RASEF: variants seen among roughly 807,000 people sequenced by gnomAD.
The protein encoded by RASEF is RAS and EF-hand domain containing.
In RASEF, 68 loss-of-function variants were observed where a neutral mutation model predicts 90.1. The observed-to-expected ratio is 0.75, with a 90% CI of 0.62 to 0.92. The LOEUF (loss-of-function observed/expected upper bound fraction) is 0.92. RASEF is among the 40% of genes least tolerant of loss of function. The pLI, the probability that RASEF is intolerant of heterozygous loss-of-function variation, is 0.00. For synonymous variants in RASEF, 331 were observed against 345.2 expected, an observed-to-expected ratio of 0.96 and a Z score of 0.46; for missense variants, 949 against 937.2, an observed-to-expected ratio of 1.01 and a Z score of -0.16.
intron 1 of RASEF, among the ~76,000 whole-genome samples, chr9:83,057,372 C>A (rs1830120516): frequency 6.6e-6 from 1 of 152,272 alleles, no homozygotes; most frequent in South Asian, 2.1e-4. Context: ...GTAGAAAAAT[C>A]AGTAGCATTT....
the RASEF span, among the ~76,000 whole-genome samples, chr9:83,141,369 T>C: frequency 6.6e-6 from 1 of 151,840 alleles, no homozygotes; most frequent in African/African-American, 2.4e-5. Context: ...AGCAACAGAC[T>C]ACAGAGCACA....
chr9:83,128,284 G>A, the RASEF span, among the ~76,000 whole-genome samples: 1 of 151,928 alleles, frequency 6.6e-6, no homozygotes, highest in Non-Finnish European at 1.5e-5. Flanking sequence ...GGTGAAACCC[G>A]ATCTTCAAGC....
chr9:83,023,005 C>A (rs1434003043), intron 2 of RASEF, among the ~76,000 whole-genome samples: 1 of 152,072 alleles, frequency 6.6e-6, no homozygotes, highest in Non-Finnish European at 1.5e-5. Flanking sequence ...TGATATTAAA[C>A]TAGATTGTGG....
the RASEF span, among the ~76,000 whole-genome samples, chr9:83,209,692 T>C: frequency 6.6e-6 from 1 of 152,378 alleles, no homozygotes; most frequent in South Asian, 2.1e-4. Context: ...CTTTTGACAT[T>C]GTGTATTTTC....
chr9:83,207,870 T>C, the RASEF span, among the ~76,000 whole-genome samples: 1 of 152,038 alleles, frequency 6.6e-6, no homozygotes, highest in Non-Finnish European at 1.5e-5. Flanking sequence ...CCTCCCAAAG[T>C]GTTGGGATTA....
the RASEF span, among the ~76,000 whole-genome samples, chr9:83,119,083 C>A: frequency 6.7e-6 from 1 of 148,988 alleles, no homozygotes; most frequent in Non-Finnish European, 1.5e-5. Flanking sequence ...TCTCGGCCCA[C>A]TGCAATCTCC....
the RASEF span, among the ~76,000 whole-genome samples, chr9:83,159,236 C>T: frequency 6.6e-6 from 1 of 151,566 alleles, no homozygotes; most frequent in Admixed American, 6.6e-5. Flanking sequence ...TATACTTGCT[C>T]TATTTGATAC....
At chr9:83,192,581 G>C in the RASEF span, among the ~76,000 whole-genome samples, 1 of 152,048 alleles carries the variant, frequency 6.6e-6, no homozygotes, top group African/African-American at 2.4e-5. Context: ...AGGAGAGAGG[G>C]GAGCAGAAAA....
intron 1 of RASEF, among the ~76,000 whole-genome samples, chr9:83,052,033 TG>T: frequency 9.2e-6 from 1 of 109,242 alleles, no homozygotes; most frequent in Non-Finnish European, 1.7e-5. Flanking sequence ...TGCCCGGCTT[TG>T]GTATCAGAAT....
the RASEF span, among the ~76,000 whole-genome samples, chr9:83,155,739 G>A: frequency 6.6e-6 from 1 of 152,150 alleles, no homozygotes; most frequent in Non-Finnish European, 1.5e-5. Context: ...GGTTGAGGTG[G>A]AACTATAAAA....
intron 1 of RASEF, among the ~76,000 whole-genome samples, chr9:83,031,933 G>A (rs1198876090): frequency 3.9e-5 from 6 of 152,110 alleles, no homozygotes; most frequent in Non-Finnish European, 7.3e-5. Context: ...TCTGGGGTAT[G>A]CCAAGAGACT....
At chr9:83,128,739 A>G in the RASEF span, among the ~76,000 whole-genome samples, 5 of 152,080 alleles carry the variant, frequency 3.3e-5, no homozygotes, top group African/African-American at 4.8e-5. Context: ...GCTATAACAC[A>G]AGTGGGCTGG....
At chr9:82,994,932 T>C (rs1400746631) in intron 14 of RASEF, among the ~76,000 whole-genome samples, 1 of 152,202 alleles carries the variant, frequency 6.6e-6, no homozygotes, top group Non-Finnish European at 1.5e-5. Context: ...TTTCCGCCCA[T>C]ATTTACAGTG....
chr9:83,064,864 C>T (rs1049102133), upstream of RASEF, among the ~76,000 whole-genome samples: 3 of 152,050 alleles, frequency 2.0e-5, no homozygotes, highest in African/African-American at 4.8e-5. Flanking sequence ...GTCAGGAGTT[C>T]GAGACCAGCC....
At chr9:83,053,473 A>G (rs1360279672) in intron 1 of RASEF, among the ~76,000 whole-genome samples, 1 of 133,180 alleles carries the variant, frequency 7.5e-6, no homozygotes, top group African/African-American at 3.4e-5. Flanking sequence ...AATACAGCAC[A>G]CTGATGGGTC....
At chr9:83,075,358 T>C in the RASEF span, among the ~76,000 whole-genome samples, 3 of 152,096 alleles carry the variant, frequency 2.0e-5, no homozygotes, top group Non-Finnish European at 4.4e-5. Flanking sequence ...TGTGCGTGTA[T>C]ATGTTTTTAC....
chr9:83,080,991 T>C, the RASEF span, among the ~76,000 whole-genome samples: 1 of 152,138 alleles, frequency 6.6e-6, no homozygotes, highest in African/African-American at 2.4e-5. Context: ...GAAAACTCAA[T>C]AGCATTAGGA....
chr9:83,087,341 A>G, the RASEF span, among the ~76,000 whole-genome samples: 1 of 151,026 alleles, frequency 6.6e-6, no homozygotes, highest in African/African-American at 2.4e-5. Context: ...AGCCTTCATG[A>G]TGGGAGTAGT....
chr9:83,037,549 T>C (rs1829765524), intron 1 of RASEF, among the ~76,000 whole-genome samples: 1 of 152,196 alleles, frequency 6.6e-6, no homozygotes, highest in Non-Finnish European at 1.5e-5. Flanking sequence ...GTGGCACATA[T>C]AACTGAATCC....
Sources: allele counts gnomAD v4.1 joint callset (sites outside exome capture counted in the v4.1 genomes callset), GRCh38; gene constraint gnomAD v4.1.1; transcripts MANE v1.5; gene names NCBI Gene and HGNC (gene_info 2026-07-23, HGNC 2026-07-21).